The following SRBD1 variants were observed in gnomAD, a reference collection of about 807,000 sequenced individuals.
SRBD1 encodes S1 RNA binding domain 1.
In SRBD1, 88 loss-of-function variants were observed where a neutral mutation model predicts 115.3. The observed-to-expected ratio is 0.76, with a 90% CI of 0.64 to 0.91. SRBD1 has a LOEUF of 0.91. Among genes scored for constraint, SRBD1 ranks in the 40% least tolerant of loss-of-function variants. The pLI is 0.00. For synonymous variants in SRBD1, 509 were observed against 407.7 expected (o/e 1.25, Z -2.99); for missense variants, 1,385 against 1,177.4 (o/e 1.18, Z -2.58).
At chr2:45,430,184 G>C (rs893722623) in intron 16 of SRBD1, among the ~76,000 whole-genome samples, 2 of 152,118 alleles carry the variant, frequency 1.3e-5, no homozygotes, top group African/African-American at 4.8e-5. Context: ...TGGATAGGAG[G>C]AATCAATATT....
chr2:45,471,086 C>T (rs1669635936), intron 16 of SRBD1, among the ~76,000 whole-genome samples: 2 of 152,104 alleles, frequency 1.3e-5, no homozygotes, highest in Admixed American at 1.3e-4. Flanking sequence ...ATACTGAAAG[C>T]ACTTAGAAGT....
At chr2:45,592,838 T>C (rs1260167947) in intron 4 of SRBD1, among the ~76,000 whole-genome samples, 1 of 152,132 alleles carries the variant, frequency 6.6e-6, no homozygotes, top group Non-Finnish European at 1.5e-5. Flanking sequence ...TTGTTAAAAA[T>C]GCAAATTCTT....
chr2:45,523,302 A>C (rs1553346194), intron 14 of SRBD1, among the ~76,000 whole-genome samples: 1 of 150,800 alleles, frequency 6.6e-6, no homozygotes, highest in Non-Finnish European at 1.5e-5. Flanking sequence ...AGCAAACTAA[A>C]CCTAAAGTAG....
Position 45,513,773 on chromosome 2 carries a change from C to G in SRBD1, c.1875-25442G>C, listed in dbSNP as rs1248009358. Among the ~76,000 whole-genome samples the G allele has an allele frequency of 2.7e-5, 4 of 145,788 alleles. No homozygotes were observed. In the East Asian group the frequency reaches 6.2e-4, roughly 22 times the overall value. Reference sequence around the variant, plus strand: ...TCATTAATCTGAATGTAAATTCGGTCTTGTTCAAAACAGTTTTTTTTTGTT... The same window carrying G: ...TCATTAATCTGAATGTAAATTCGGTGTTGTTCAAAACAGTTTTTTTTTGTT... On this transcript the variant is annotated intron_variant, in intron 14 of 20. Coordinates refer to ENST00000263736, the MANE Select transcript of SRBD1 (RefSeq NM_018079.5).
intron 14 of SRBD1, among the ~76,000 whole-genome samples, chr2:45,507,234 A>C (rs1233041761): frequency 1.3e-5 from 2 of 152,104 alleles, no homozygotes; most frequent in Admixed American, 6.6e-5. Context: ...CACATCTCAT[A>C]ATTTCCAGTG....
At chr2:45,583,225 A>C (rs1314427141) in intron 5 of SRBD1, among the ~76,000 whole-genome samples, 1 of 150,464 alleles carries the variant, frequency 6.6e-6, no homozygotes, top group Non-Finnish European at 1.5e-5. Context: ...AAAAAAAAAA[A>C]CTAAAGGCAG....
chr2:45,496,805 A>C (rs1670473395), intron 14 of SRBD1, among the ~76,000 whole-genome samples: 1 of 152,114 alleles, frequency 6.6e-6, no homozygotes, highest in South Asian at 2.1e-4. Flanking sequence ...CCTATCTACA[A>C]ACTTCATCTA....
intron 16 of SRBD1, among the ~76,000 whole-genome samples, chr2:45,465,448 G>A (rs538890063): frequency 6.6e-6 from 1 of 152,176 alleles, no homozygotes; most frequent in African/African-American, 2.4e-5. Context: ...ACACACGAAT[G>A]TGACAGTCAA....
At chr2:45,566,470 G>T (rs560834400) in intron 9 of SRBD1, among the ~76,000 whole-genome samples, 1 of 152,302 alleles carries the variant, frequency 6.6e-6, no homozygotes, top group African/African-American at 2.4e-5. Flanking sequence ...TCTGCATATT[G>T]TATGATTCCT....
rs150863177 is a variant in SRBD1 at position 45,488,510 on chromosome 2, G to A, written c.1875-179C>T. On this transcript the variant is annotated intron_variant, in intron 14 of 20. Transcript: ENST00000263736. ...CATTAATATAAAATGATTATGCAGT[G>A]TTTGTTTTTTTCACATATGAAATAC... 2.2e-3 allele frequency among the ~76,000 whole-genome samples: 333 copies of A among 152,116 alleles called. 1 individual carries two copies. The highest frequency in any genetic ancestry group is 7.5e-3 in the African/African-American group (312 of 41,510).
chr2:45,421,659 A>C (rs1668011624), intron 16 of SRBD1, among the ~76,000 whole-genome samples: 1 of 152,078 alleles, frequency 6.6e-6, no homozygotes, highest in Admixed American at 6.6e-5. Flanking sequence ...TAATTCTAAA[A>C]TTAATGATCT....
chr2:45,518,379 A>G (rs900660284), intron 14 of SRBD1, among the ~76,000 whole-genome samples: 2 of 152,328 alleles, frequency 1.3e-5, no homozygotes, highest in South Asian at 4.1e-4. Flanking sequence ...GAGCACTGCT[A>G]TATGAGATTA....
intron 16 of SRBD1, among the ~76,000 whole-genome samples, chr2:45,452,207 T>G (rs1669019751): frequency 1.3e-5 from 2 of 152,126 alleles, no homozygotes; most frequent in South Asian, 4.1e-4. Context: ...TTTCTCATTT[T>G]CAGAAATTTG....
intron 14 of SRBD1, among the ~76,000 whole-genome samples, chr2:45,524,375 A>G (rs1671377963): frequency 1.3e-5 from 2 of 152,056 alleles, no homozygotes; most frequent in African/African-American, 4.8e-5. Flanking sequence ...CTATTCACAG[A>G]TAACATTATT....
rs1170865680 is a variant in SRBD1 at position 45,498,170 on chromosome 2, A to G, written c.1875-9839T>C. 2.6e-5 allele frequency among the ~76,000 whole-genome samples: 4 copies of G among 152,146 alleles called. 1 individual carries two copies. The highest frequency in any genetic ancestry group is 2.9e-5 in the Non-Finnish European group (2 of 68,022). ...TCTTTAATCATTAATGATGTAAACC[A>G]TTTACTCAATGTACTTATTGGCCTT... On this transcript the variant is annotated intron_variant, in intron 14 of 20. Coordinates refer to ENST00000263736, the MANE Select transcript of SRBD1 (RefSeq NM_018079.5).
chr2:45,607,844 G>T (rs1467570230), intron 1 of SRBD1, among the ~76,000 whole-genome samples: 2 of 152,204 alleles, frequency 1.3e-5, no homozygotes, highest in Non-Finnish European at 2.9e-5. Flanking sequence ...CATACAGACT[G>T]AATGCTAAAG....
intron 16 of SRBD1, among the ~76,000 whole-genome samples, chr2:45,443,479 G>A (rs1174197055): frequency 2.0e-5 from 3 of 152,060 alleles, no homozygotes; most frequent in South Asian, 2.1e-4. Flanking sequence ...GTGGAGGGAC[G>A]TCAACAGTTT....
chr2:45,565,148 T>C (rs572764288), intron 9 of SRBD1, among the ~76,000 whole-genome samples: 15 of 152,276 alleles, frequency 9.9e-5, no homozygotes, highest in Non-Finnish European at 1.6e-4. Context: ...AAAACACATA[T>C]AGTAATTCAA....
intron 4 of SRBD1, among the ~76,000 whole-genome samples, chr2:45,590,554 T>G (rs1673688603): frequency 6.6e-6 from 1 of 152,150 alleles, no homozygotes; most frequent in Non-Finnish European, 1.5e-5. Context: ...GCTGTTCTTG[T>G]GATAATGAGT....
Sources: gnomAD v4.1 joint callset for allele counts (sites outside exome capture counted in the v4.1 genomes callset) on GRCh38, gnomAD v4.1.1 for gene constraint, MANE v1.5 for transcripts, NCBI Gene and HGNC (gene_info 2026-07-23, HGNC 2026-07-21) for gene names.